RAI1: variants seen among roughly 807,000 people sequenced by gnomAD.
RAI1 encodes retinoic acid induced 1.
A neutral mutation model predicts 123.8 loss-of-function variants in RAI1; 9 were observed. That is an observed-to-expected ratio of 0.07 (90% CI 0.04 to 0.13). The LOEUF (loss-of-function observed/expected upper bound fraction) is 0.13. Ranked by LOEUF, RAI1 falls within the 10% of genes least tolerant of loss-of-function variation. RAI1 has a pLI of 1.00. For missense variants in RAI1, 2,256 were observed against 2,545.8 expected (o/e 0.89, Z 2.45); for synonymous variants, 1,231 against 1,127.3 (o/e 1.09, Z -1.84).
intron 1 of RAI1, among the ~76,000 whole-genome samples, chr17:17,701,410 C>T (rs999799138): frequency 3.3e-5 from 5 of 152,160 alleles, no homozygotes; most frequent in Non-Finnish European, 2.9e-5. Flanking sequence ...TGTGCTCCTC[C>T]CCACCCCATC....
At chr17:17,769,963 C>G (rs1002345676) in intron 2 of RAI1, among the ~76,000 whole-genome samples, 1 of 152,142 alleles carries the variant, frequency 6.6e-6, no homozygotes, top group Admixed American at 6.5e-5. Flanking sequence ...GACCGAGGAG[C>G]AGCGACACGG....
At chr17:17,748,693 G>A (rs1311178261) in intron 2 of RAI1, among the ~76,000 whole-genome samples, 2 of 152,332 alleles carry the variant, frequency 1.3e-5, no homozygotes, top group East Asian at 3.9e-4. Context: ...ATACCTGGCA[G>A]AAGAAACAGT....
intron 1 of RAI1, among the ~76,000 whole-genome samples, chr17:17,690,315 A>G (rs1914792747): frequency 6.6e-6 from 1 of 151,340 alleles, no homozygotes; most frequent in Non-Finnish European, 1.5e-5. Context: ...TGAACCTGGG[A>G]GGCAGAGGTG....
At chr17:17,802,123 GT>G (rs1221995969) in intron 3 of RAI1, 1 of 471,004 alleles carries the variant, frequency 2.1e-6, no homozygotes, top group Non-Finnish European at 4.4e-6. Context: ...GGCCTTCTTG[GT>G]GTGACTGTCC....
intron 2 of RAI1, among the ~76,000 whole-genome samples, chr17:17,754,989 A>C (rs534761683): frequency 6.6e-6 from 1 of 152,334 alleles, no homozygotes; most frequent in African/African-American, 2.4e-5. Flanking sequence ...CAGGCTTTGG[A>C]GTGCGACAGC....
chr17:17,766,680 TGGTAG>T (rs910615004), intron 2 of RAI1, among the ~76,000 whole-genome samples: 2 of 152,046 alleles, frequency 1.3e-5, no homozygotes, highest in African/African-American at 4.8e-5. Context: ...GCAGGCAGCG[TGGTAG>T]GGTTTGCTGG....
At chr17:17,745,646 C>G (rs1222341222) in intron 2 of RAI1, among the ~76,000 whole-genome samples, 6 of 152,182 alleles carry the variant, frequency 3.9e-5, no homozygotes, top group African/African-American at 1.4e-4. Context: ...GATCCACCCG[C>G]CTTGGCCTCC....
chr17:17,703,882 C>T (rs531557009), intron 1 of RAI1, among the ~76,000 whole-genome samples: 1 of 152,350 alleles, frequency 6.6e-6, no homozygotes, highest in South Asian at 2.1e-4. Flanking sequence ...TCTGGCTTCC[C>T]AGAGGGCCCA....
At chr17:17,755,799 C>G (rs943145899) in intron 2 of RAI1, among the ~76,000 whole-genome samples, 2 of 152,238 alleles carry the variant, frequency 1.3e-5, no homozygotes, top group African/African-American at 4.8e-5. Flanking sequence ...ATCCCTCAGA[C>G]CCGGCCTACA....
chr17:17,798,216 G>A lies in RAI1; in HGVS notation c.5268G>A (p.Arg1756=). 6.2e-7 allele frequency: 1 copy of A among 1,612,238 alleles called. No homozygotes were observed. Among genetic ancestry groups the A allele is most frequent in the Non-Finnish European group, 8.5e-7 (1 of 1,179,610 alleles). The change falls in exon 3 of 6, where the codon AGG becomes AGA. Residue 1756 remains arginine, a synonymous_variant. Transcript: ENST00000353383. ...CCGCCACTGCCGGGAAGCCCCCCAG[G>A]CCTGACGGCCCAGCTGACCCGGCCA... The part of the protein sequence containing the change: ...AAAATAGKPP[R]PDGPADPAKQ...
At chr17:17,723,553 T>A (rs1319165877) in intron 1 of RAI1, among the ~76,000 whole-genome samples, 2 of 110,710 alleles carry the variant, frequency 1.8e-5, no homozygotes, top group Non-Finnish European at 3.7e-5. Flanking sequence ...ACACCCCCCG[T>A]CCCTAAGCGC....
intron 2 of RAI1, among the ~76,000 whole-genome samples, chr17:17,774,011 A>G (rs2031254100): frequency 6.6e-6 from 1 of 152,216 alleles, no homozygotes; most frequent in Non-Finnish European, 1.5e-5. Context: ...CTTACCTACT[A>G]TAGTGCTTCT....
chr17:17,778,735 T>C, intron 2 of RAI1: 1 of 456,742 alleles, frequency 2.2e-6, no homozygotes, highest in South Asian at 1.5e-5. Flanking sequence ...CGATTCTCCA[T>C]GCTGGAGAGC....
intron 2 of RAI1, among the ~76,000 whole-genome samples, chr17:17,792,318 T>C (rs1567911829): frequency 6.7e-6 from 1 of 148,962 alleles, no homozygotes; most frequent in Non-Finnish European, 1.5e-5. Context: ...TGTGCATGCG[T>C]GTGTGTGTGT....
Position 17,692,178 on chromosome 17 carries a change from G to C in RAI1, c.-149+10385G>C, listed in dbSNP as rs531304331. On this transcript the variant is annotated intron_variant, in intron 1 of 5. Transcript: ENST00000353383. ...CTGGCTAATTAAACAAAGAGGACCT[G>C]GTCTCCTAGGCAGGACAGGAGCCTG... 8.5e-5 allele frequency among the ~76,000 whole-genome samples: 13 copies of C among 152,308 alleles called. No individual in the cohort carries two copies. The South Asian group carries it at 2.7e-3, about 32-fold the overall frequency.
At chr17:17,686,156 A>T (rs749949581) in intron 1 of RAI1, among the ~76,000 whole-genome samples, 70 of 152,354 alleles carry the variant, frequency 4.6e-4, no homozygotes, top group Non-Finnish European at 9.3e-4. Context: ...AGAACACAGG[A>T]CGCTCAGAAA....
At chr17:17,802,110 A>G (rs55658055) in intron 3 of RAI1, 9,081 of 470,872 alleles carry the variant, frequency 0.019, 146 homozygotes, top group Non-Finnish European at 0.03. Flanking sequence ...TCACTCTTCC[A>G]AGGGCCTTCT....
chr17:17,783,567 A>T (rs1039991973), intron 2 of RAI1, among the ~76,000 whole-genome samples: 1 of 152,116 alleles, frequency 6.6e-6, no homozygotes, highest in Non-Finnish European at 1.5e-5. Context: ...CAACCCCCAC[A>T]CACCCTGCGC....
In RAI1 at chr17:17,809,954, C is replaced by T. The variant is rs1780599879; in HGVS notation, c.5710-16C>T. 1 of 1,558,144 alleles carries T rather than the reference C, an allele frequency of 6.4e-7. No homozygotes were observed. Among genetic ancestry groups the T allele is most frequent in the Admixed American group, 1.9e-5 (1 of 52,048 alleles). On this transcript the variant is annotated splice_polypyrimidine_tract_variant and intron_variant, in intron 5 of 5. Transcript: ENST00000353383. This position sits in a 1 kb window ranked among gnomAD's most constrained non-coding sequence, Gnocchi z 4.9. ...TCCGAGGTCGTCGGTAACTGGCGGG[C>T]GGGCGTCTTTTGCAGAGGCTGCCGT...
Sources: allele counts gnomAD v4.1 joint callset (sites outside exome capture counted in the v4.1 genomes callset), GRCh38; gene constraint gnomAD v4.1.1; non-coding constraint Gnocchi (gnomAD v3.1); transcripts MANE v1.5; gene names NCBI Gene and HGNC (gene_info 2026-07-23, HGNC 2026-07-21).